RHBDL2: variants seen among roughly 807,000 people sequenced by gnomAD.
RHBDL2 encodes the protein rhomboid like 2, also known as rhomboid-related protein 2.
RHBDL2 carries 26 observed loss-of-function variants against 31.7 expected under a neutral mutation model. The ratio of observed to expected loss-of-function variants is 0.82; its 90% CI spans 0.60 to 1.14. The LOEUF (loss-of-function observed/expected upper bound fraction) is 1.14, where lower values mean the gene tolerates loss of function less well. Ranked by LOEUF, RHBDL2 falls within the 50% of genes most tolerant of loss-of-function variation. RHBDL2 has a pLI of 0.00. For synonymous variants in RHBDL2, 123 were observed against 127.2 expected (o/e 0.97, Z 0.22); for missense variants, 336 against 364.4 (o/e 0.92, Z 0.63).
At chr1:38,909,373 G>A (rs796819599) in intron 4 of RHBDL2, among the ~76,000 whole-genome samples, 3 of 152,062 alleles carry the variant, frequency 2.0e-5, no homozygotes, top group Non-Finnish European at 4.4e-5. Context: ...AACACCAAAT[G>A]CTGAATCTGA....
At chr1:38,906,284 A>T (rs1220462379) in intron 4 of RHBDL2, among the ~76,000 whole-genome samples, 1 of 152,208 alleles carries the variant, frequency 6.6e-6, no homozygotes, top group Non-Finnish European at 1.5e-5. Context: ...TATAGATGAC[A>T]TGATGATTTG....
At chr1:38,911,809 T>G (rs1643152416) in intron 3 of RHBDL2, among the ~76,000 whole-genome samples, 1 of 151,828 alleles carries the variant, frequency 6.6e-6, no homozygotes, top group Admixed American at 6.6e-5. Flanking sequence ...CTGGCTAATT[T>G]TTTTTTCTTT....
At chr1:38,894,459 A>G (rs902470806) in intron 5 of RHBDL2, among the ~76,000 whole-genome samples, 9 of 151,886 alleles carry the variant, frequency 5.9e-5, no homozygotes, top group African/African-American at 1.9e-4. Context: ...AGTAGCTGGG[A>G]CTACAGGTGC....
intron 3 of RHBDL2, among the ~76,000 whole-genome samples, chr1:38,911,807 T>C (rs377419693): frequency 8.6e-5 from 13 of 151,356 alleles, no homozygotes; most frequent in African/African-American, 3.2e-4. Flanking sequence ...TCCTGGCTAA[T>C]TTTTTTTTCT....
intron 4 of RHBDL2, among the ~76,000 whole-genome samples, chr1:38,900,938 C>T (rs936718486): frequency 2.6e-5 from 4 of 151,606 alleles, no homozygotes; most frequent in East Asian, 1.9e-4. Flanking sequence ...GTCCCAGCTA[C>T]TTGGGAGGCT....
intron 1 of RHBDL2, among the ~76,000 whole-genome samples, chr1:38,936,988 C>A (rs1643518014): frequency 6.8e-6 from 1 of 147,846 alleles, no homozygotes. Flanking sequence ...CACCCTGTCA[C>A]CCAGGCTGGA....
intron 1 of RHBDL2, among the ~76,000 whole-genome samples, chr1:38,934,658 C>CAAAA (rs369758227): frequency 9.5e-4 from 118 of 123,792 alleles, no homozygotes; most frequent in African/African-American, 1.7e-3. Context: ...AAGACTGTCT[C>CAAAA]AAAAAAAAAA....
chr1:38,932,372 G>A (rs1190628759), intron 1 of RHBDL2, among the ~76,000 whole-genome samples: 1 of 152,212 alleles, frequency 6.6e-6, no homozygotes, highest in African/African-American at 2.4e-5. Context: ...CCTAGCTGAT[G>A]ACTACATGGA....
At chr1:38,890,882 C>G (rs1193208744) in intron 6 of RHBDL2, among the ~76,000 whole-genome samples, 1 of 152,058 alleles carries the variant, frequency 6.6e-6, no homozygotes, top group East Asian at 1.9e-4. Flanking sequence ...TTTGTAGAGA[C>G]AGAGTCTCCC....
At chr1:38,921,045 G>T (rs1643307023) in intron 1 of RHBDL2, among the ~76,000 whole-genome samples, 1 of 152,166 alleles carries the variant, frequency 6.6e-6, no homozygotes, top group Non-Finnish European at 1.5e-5. Context: ...TTTAAACTGA[G>T]GATAATGATA....
At chr1:38,890,226 C>G (rs145172605) in intron 6 of RHBDL2, among the ~76,000 whole-genome samples, 1 of 151,774 alleles carries the variant, frequency 6.6e-6, no homozygotes. Context: ...TTAGTAGAGA[C>G]GGGGTTTCAC....
chr1:38,935,118 T>C (rs1262620915), intron 1 of RHBDL2, among the ~76,000 whole-genome samples: 1 of 152,154 alleles, frequency 6.6e-6, no homozygotes, highest in Non-Finnish European at 1.5e-5. Flanking sequence ...CATCCAAACC[T>C]TAGAGCTACA....
At chr1:38,915,135 C>CTT (rs879910855) in intron 3 of RHBDL2, among the ~76,000 whole-genome samples, 4 of 142,492 alleles carry the variant, frequency 2.8e-5, no homozygotes, top group African/African-American at 2.6e-5. Context: ...GTGACTACAT[C>CTT]TTTTTTTTTT....
At chr1:38,904,975 G>A (rs896060589) in intron 4 of RHBDL2, among the ~76,000 whole-genome samples, 4 of 150,262 alleles carry the variant, frequency 2.7e-5, no homozygotes, top group Non-Finnish European at 4.4e-5. Context: ...AGCTTGCAGT[G>A]AGCCGAGATC....
chr1:38,889,893 G>T (rs1013493588), intron 6 of RHBDL2, among the ~76,000 whole-genome samples: 7 of 152,160 alleles, frequency 4.6e-5, no homozygotes, highest in Non-Finnish European at 8.8e-5. Flanking sequence ...CAGGACATGT[G>T]CTCTGACTAG....
At chr1:38,902,399 ATTTTATTT>A (rs1643004095) in intron 4 of RHBDL2, among the ~76,000 whole-genome samples, 1 of 134,658 alleles carries the variant, frequency 7.4e-6, no homozygotes, top group Non-Finnish European at 1.6e-5. Context: ...ACTTTATTTC[ATTTTATTT>A]TTTTATTTTT....
At chr1:38,900,537 C>T (rs1452982374) in intron 4 of RHBDL2, among the ~76,000 whole-genome samples, 1 of 152,122 alleles carries the variant, frequency 6.6e-6, no homozygotes, top group Non-Finnish European at 1.5e-5. Flanking sequence ...AGGAGAATCG[C>T]TTGAGCCTGA....
At chr1:38,896,729 T>C (rs140548739) in intron 4 of RHBDL2, among the ~76,000 whole-genome samples, 41 of 152,300 alleles carry the variant, frequency 2.7e-4, no homozygotes, top group African/African-American at 9.9e-4. Flanking sequence ...TGAATCCTAA[T>C]TGCTAACCTA....
intron 1 of RHBDL2, among the ~76,000 whole-genome samples, chr1:38,922,218 G>T (rs1320065353): frequency 1.3e-5 from 2 of 150,850 alleles, no homozygotes; most frequent in Non-Finnish European, 2.9e-5. Flanking sequence ...GCTACTTCAG[G>T]CTCTAGCACC....
Sources: gnomAD v4.1 joint callset for allele counts (sites outside exome capture counted in the v4.1 genomes callset) on GRCh38, gnomAD v4.1.1 for gene constraint, MANE v1.5 for transcripts, NCBI Gene and HGNC (gene_info 2026-07-23, HGNC 2026-07-21) for gene names.